SPATA17: variants seen among roughly 807,000 people sequenced by gnomAD.
SPATA17 encodes the protein spermatogenesis associated 17, also known as spermatogenesis-associated protein 17.
SPATA17 carries 53 observed loss-of-function variants against 62.2 expected under a neutral mutation model. That is an observed-to-expected ratio of 0.85 (90% CI 0.68 to 1.07). The LOEUF is 1.07. Ranked by LOEUF, SPATA17 falls within the 50% of genes least tolerant of loss-of-function variation. SPATA17 has a pLI of 0.00. For synonymous variants in SPATA17, 146 were observed against 146.8 expected, an observed-to-expected ratio of 0.99 and a Z score of 0.04; for missense variants, 466 against 425.5, an observed-to-expected ratio of 1.10 and a Z score of -0.84.
intron 6 of SPATA17, among the ~76,000 whole-genome samples, chr1:217,759,330 G>A (rs1382765693): frequency 1.3e-5 from 2 of 152,002 alleles, no homozygotes; most frequent in African/African-American, 4.8e-5. Flanking sequence ...GTGGTAGCAG[G>A]TGCCTATAAT....
At chr1:217,667,291 C>T (rs1334011286) in intron 3 of SPATA17, among the ~76,000 whole-genome samples, 1 of 151,950 alleles carries the variant, frequency 6.6e-6, no homozygotes, top group East Asian at 1.9e-4. Flanking sequence ...TCGTGAGTCG[C>T]CTGCCTCGGC....
chr1:217,696,487 C>G (rs935827865), intron 5 of SPATA17, among the ~76,000 whole-genome samples: 2 of 152,198 alleles, frequency 1.3e-5, no homozygotes, highest in Admixed American at 1.3e-4. Context: ...AGCTGTAGAC[C>G]AGAGCTGTTC....
chr1:217,646,826 G>A (rs1056200729), intron 1 of SPATA17, among the ~76,000 whole-genome samples: 4 of 151,340 alleles, frequency 2.6e-5, no homozygotes, highest in Admixed American at 6.6e-5. Context: ...CCCGGGAGGC[G>A]GAGATTGCAG....
At chr1:217,687,938 C>T (rs1387675544) in intron 5 of SPATA17, among the ~76,000 whole-genome samples, 2 of 152,154 alleles carry the variant, frequency 1.3e-5, no homozygotes, top group Non-Finnish European at 2.9e-5. Context: ...TATGTTTCTG[C>T]TTTTTCTGTT....
chr1:217,840,197 G>C (rs181229349), intron 9 of SPATA17, among the ~76,000 whole-genome samples: 87 of 152,230 alleles, frequency 5.7e-4, no homozygotes, highest in Non-Finnish European at 9.4e-4. Context: ...TAATGTCCTT[G>C]AAAATAATAA....
intron 9 of SPATA17, among the ~76,000 whole-genome samples, chr1:217,842,483 C>A (rs1408260273): frequency 1.3e-5 from 2 of 151,830 alleles, no homozygotes; most frequent in Non-Finnish European, 2.9e-5. Flanking sequence ...ACATAAAGGA[C>A]AATTCAGATT....
At chr1:217,701,370 A>AT (rs757734054) in intron 5 of SPATA17, among the ~76,000 whole-genome samples, 49 of 150,268 alleles carry the variant, frequency 3.3e-4, no homozygotes, top group Admixed American at 7.3e-4. Flanking sequence ...CATTTTTATT[A>AT]TTTTTTGTTT....
intron 4 of SPATA17, among the ~76,000 whole-genome samples, chr1:217,671,044 A>C (rs1330386540): frequency 6.6e-6 from 1 of 152,120 alleles, no homozygotes; most frequent in Non-Finnish European, 1.5e-5. Context: ...TAAAAGAAAA[A>C]GAAAAAAGTT....
rs147245461 is a variant in SPATA17 at position 217,831,033 on chromosome 1, C to G, written c.1005+29183C>G. On this transcript the variant is annotated intron_variant, in intron 9 of 10. Transcript: ENST00000366933. ...TTTCTTATTAAATCTATTCCAGGAG[C>G]TATTTGCAAAGGGTTTGCTCATAAC... 2.2e-3 allele frequency among the ~76,000 whole-genome samples: 339 copies of G among 152,190 alleles called. 2 individuals are homozygous for G. The highest frequency in any genetic ancestry group is 6.7e-3 in the African/African-American group (280 of 41,532).
intron 9 of SPATA17, 126 bp downstream of exon 9, chr1:217,801,976 GT>G: frequency 2.0e-6 from 2 of 1,003,010 alleles, no homozygotes; most frequent in Non-Finnish European, 2.8e-6. Flanking sequence ...TTTTATAGCT[GT>G]TTTAGGTAAA....
intron 9 of SPATA17, among the ~76,000 whole-genome samples, chr1:217,813,013 T>C (rs904603855): frequency 6.6e-6 from 1 of 152,250 alleles, no homozygotes; most frequent in Non-Finnish European, 1.5e-5. Context: ...TATTTTCACA[T>C]GCATTTTGGT....
At chr1:217,691,243 A>G (rs892073725) in intron 5 of SPATA17, among the ~76,000 whole-genome samples, 2 of 141,660 alleles carry the variant, frequency 1.4e-5, no homozygotes, top group Admixed American at 1.4e-4. Flanking sequence ...ATGGCCAGTG[A>G]TGATGAGCAT....
At chr1:217,658,997 C>T (rs1670504634) in intron 3 of SPATA17, among the ~76,000 whole-genome samples, 1 of 152,038 alleles carries the variant, frequency 6.6e-6, no homozygotes, top group African/African-American at 2.4e-5. Flanking sequence ...CTGGAAAGAT[C>T]ACACATGAAA....
At chr1:217,817,449 C>T (rs1367581291) in intron 9 of SPATA17, among the ~76,000 whole-genome samples, 1 of 152,050 alleles carries the variant, frequency 6.6e-6, no homozygotes, top group African/African-American at 2.4e-5. Flanking sequence ...TTTGCTTCCC[C>T]TTCTGCCATG....
At chr1:217,819,728 A>T (rs932563703) in intron 9 of SPATA17, among the ~76,000 whole-genome samples, 1 of 151,968 alleles carries the variant, frequency 6.6e-6, no homozygotes, top group Non-Finnish European at 1.5e-5. Context: ...TGAGATTTCT[A>T]TTCTTTATTT....
rs1670438440 is a variant in SPATA17 at position 217,656,220 on chromosome 1, C to A, written c.240+5042C>A. 2.0e-5 allele frequency among the ~76,000 whole-genome samples: 3 copies of A among 152,110 alleles called. No individual in the cohort carries two copies. The South Asian group carries it at 6.2e-4, about 32-fold the overall frequency. On this transcript the variant is annotated intron_variant, in intron 3 of 10. Coordinates refer to ENST00000366933, the MANE Select transcript of SPATA17 (RefSeq NM_138796.4). ...TTAATCAAGCATATAGGATTTCATACATTTCAATAACTGTATTCAAAGTAG... is the reference window on the plus strand; with the variant it reads ...TTAATCAAGCATATAGGATTTCATAAATTTCAATAACTGTATTCAAAGTAG...
intron 5 of SPATA17, among the ~76,000 whole-genome samples, chr1:217,707,397 C>T (rs1480076567): frequency 1.3e-5 from 2 of 152,102 alleles, no homozygotes; most frequent in Non-Finnish European, 2.9e-5. Flanking sequence ...TTCCTCTCTT[C>T]CTATTTGGAT....
chr1:217,799,226 A>C (rs1674233577), intron 8 of SPATA17, among the ~76,000 whole-genome samples: 1 of 152,196 alleles, frequency 6.6e-6, no homozygotes, highest in African/African-American at 2.4e-5. Flanking sequence ...TACTTTCATG[A>C]AACATGATGG....
chr1:217,742,949 A>AATATATATAT lies in SPATA17; in HGVS notation c.519+862_519+871dup, dbSNP rs10559433. Among the ~76,000 whole-genome samples, 258 of 146,140 alleles carry AATATATATAT rather than the reference A, an allele frequency of 1.8e-3. 3 individuals are homozygous for AATATATATAT. Among genetic ancestry groups the AATATATATAT allele is most frequent in the African/African-American group, 5.5e-3 (220 of 39,868 alleles). On this transcript the variant is annotated intron_variant, in intron 6 of 10. Coordinates refer to ENST00000366933, the MANE Select transcript of SPATA17 (RefSeq NM_138796.4). Reference sequence around the variant, plus strand: ...TCATCCTTAGAGGCATCCAAATTAAAATATATATATATATATATATTAAAT... The same window carrying AATATATATAT: ...TCATCCTTAGAGGCATCCAAATTAAAATATATATATATATATATATATATATATATTAAAT...
Sources: allele counts gnomAD v4.1 joint callset (sites outside exome capture counted in the v4.1 genomes callset), GRCh38; gene constraint gnomAD v4.1.1; transcripts MANE v1.5; gene names NCBI Gene and HGNC (gene_info 2026-07-23, HGNC 2026-07-21).